Variants in PLCH1 observed in about 807,000 individuals in gnomAD.
PLCH1 encodes 1-phosphatidylinositol 4,5-bisphosphate phosphodiesterase eta-1.
A neutral mutation model predicts 126.7 loss-of-function variants in PLCH1; 60 were observed. That is an observed-to-expected ratio of 0.47 (90% CI 0.38 to 0.59). PLCH1 has a LOEUF of 0.59. Among genes scored for constraint, PLCH1 ranks in the 20% least tolerant of loss-of-function variants. The probability of loss-of-function intolerance (pLI) is 0.00; values close to 1 mark genes in which losing one functional copy is unlikely to be tolerated. For synonymous variants in PLCH1, 719 were observed against 734.9 expected (o/e 0.98, Z 0.35); for missense variants, 1,723 against 2,040.0 (o/e 0.84, Z 2.99).
rs1351745225 is a variant in PLCH1 at position 155,481,961 on chromosome 3, A to C, written c.4065T>G (p.Asp1355Glu). Reference sequence around the variant, plus strand: ...TTAGAGAAAGATTTTCTGATTCTCCATCAATTTCCACAAGGCTGCTCTCCC... The same window carrying C: ...TTAGAGAAAGATTTTCTGATTCTCCCTCAATTTCCACAAGGCTGCTCTCCC... ...NSGESSLVEI[D>E]GESENLSLTT... is the part of the protein sequence containing the mutation. The change falls in exon 23 of 23, where the codon GAT (aspartate) becomes GAG (glutamate). Residue 1355 changes from aspartate to glutamate, a missense_variant. Physicochemically the swap from Asp to Glu is conservative, Grantham distance 45. Coordinates refer to ENST00000460012, the MANE Select transcript of PLCH1 (RefSeq NM_014996.4). This position sits in a 1 kb window ranked among gnomAD's most constrained non-coding sequence, Gnocchi z 4.2. 1.2e-6 allele frequency: 2 copies of C among 1,614,066 alleles called. No homozygotes were observed. The highest frequency in any genetic ancestry group is 1.7e-6 in the Non-Finnish European group (2 of 1,180,032).
At chr3:155,692,759 G>A (rs1469644308) in intron 2 of PLCH1, among the ~76,000 whole-genome samples, 1 of 119,526 alleles carries the variant, frequency 8.4e-6, no homozygotes, top group Non-Finnish European at 1.6e-5. Context: ...CCAATCATTA[G>A]CAATTTTTTT....
intron 10 of PLCH1, among the ~76,000 whole-genome samples, chr3:155,527,862 GT>G (rs1722164292): frequency 6.7e-6 from 1 of 149,432 alleles, no homozygotes; most frequent in Non-Finnish European, 1.5e-5. Flanking sequence ...AGAAGTTGCA[GT>G]GAGCCAAGAT....
rs1726118546 is a variant in PLCH1, at chr3:155,551,459, A to G, written c.1191-1501T>C. Among the ~76,000 whole-genome samples the G allele has an allele frequency of 1.4e-5, 2 of 145,844 alleles. 1 individual carries two copies. The highest frequency in any genetic ancestry group is 5.0e-5 in the African/African-American group (2 of 39,876). ...GGCTGCCTCAGAAAAAAAAAAAAAA[A>G]AAAAAAAAAAAAAAAAAAAAAGCCT... is the stretch of plus-strand genomic sequence containing the variant. On this transcript the variant is annotated intron_variant, in intron 9 of 22. Coordinates refer to ENST00000460012, the MANE Select transcript of PLCH1 (RefSeq NM_014996.4).
Position 155,603,825 on chromosome 3 carries a change from T to C in PLCH1, c.80-7447A>G, listed in dbSNP as rs1734040721. Among the ~76,000 whole-genome samples the C allele has an allele frequency of 3.3e-5, 5 of 152,268 alleles. No homozygotes were observed. The South Asian group carries it at 1.0e-3, about 32-fold the overall frequency. Reference sequence around the variant, plus strand: ...TAAAACATAACTGCTTGGCTGTGTGTGGTGGCTGACACCTGTAATCCCAGC... The same window carrying C: ...TAAAACATAACTGCTTGGCTGTGTGCGGTGGCTGACACCTGTAATCCCAGC... On this transcript the variant is annotated intron_variant, in intron 2 of 22. Transcript: ENST00000460012.
At chr3:155,717,554 A>G (rs1359199240) in intron 1 of PLCH1, among the ~76,000 whole-genome samples, 1 of 152,238 alleles carries the variant, frequency 6.6e-6, no homozygotes, top group Non-Finnish European at 1.5e-5. Flanking sequence ...TTCCACATGG[A>G]AGCCACCAAA....
intron 12 of PLCH1, among the ~76,000 whole-genome samples, chr3:155,512,579 G>A (rs768139655): frequency 5.3e-5 from 8 of 152,140 alleles, no homozygotes; most frequent in Non-Finnish European, 8.8e-5. Context: ...TGGGGAAGAC[G>A]AAGTGTACTA....
intron 2 of PLCH1, among the ~76,000 whole-genome samples, chr3:155,617,754 A>G (rs1735969422): frequency 6.6e-6 from 1 of 152,240 alleles, no homozygotes; most frequent in South Asian, 2.1e-4. Context: ...TTAAGGAATC[A>G]GAGGTGATTT....
intron 2 of PLCH1, among the ~76,000 whole-genome samples, chr3:155,639,957 C>T (rs530578787): frequency 6.6e-6 from 1 of 152,284 alleles, no homozygotes; most frequent in Non-Finnish European, 1.5e-5. Context: ...GTAAGACATG[C>T]TTCCTTCTTC....
chr3:155,522,423 C>T (rs1030805970), intron 11 of PLCH1, among the ~76,000 whole-genome samples: 9 of 152,186 alleles, frequency 5.9e-5, no homozygotes, highest in Non-Finnish European at 1.2e-4. Context: ...CTAACATAAA[C>T]TATTAAAAGG....
At chr3:155,738,862 G>T (rs1749414625) in intron 1 of PLCH1, among the ~76,000 whole-genome samples, 2 of 151,928 alleles carry the variant, frequency 1.3e-5, no homozygotes, top group South Asian at 4.1e-4. Flanking sequence ...GAGGGGCAAG[G>T]ACCTCTTGAG....
At chr3:155,723,204 A>C (rs1022916207) in intron 1 of PLCH1, among the ~76,000 whole-genome samples, 1 of 151,986 alleles carries the variant, frequency 6.6e-6, no homozygotes, top group Non-Finnish European at 1.5e-5. Flanking sequence ...TATTTAGATC[A>C]TCTCTCTCCA....
intron 22 of PLCH1, among the ~76,000 whole-genome samples, chr3:155,484,923 C>T (rs1181419524): frequency 1.3e-5 from 2 of 152,110 alleles, no homozygotes; most frequent in African/African-American, 4.8e-5. Flanking sequence ...AAAGGTGGCT[C>T]GTTTTTAACA....
Position 155,481,075 on chromosome 3 carries a change from C to T in PLCH1, c.4951G>A (p.Ala1651Thr). Residue 1651 changes from alanine (A) to threonine (T), a missense_variant, in exon 23 of 23, where the codon GCT (alanine) becomes ACT (threonine). This residue lies in a region of PLCH1 where 947 missense variants were observed against 977.1 expected (regional missense o/e 0.97). Transcript: ENST00000460012. This position sits in a 1 kb window ranked among gnomAD's most constrained non-coding sequence, Gnocchi z 4.2. The part of the protein sequence containing the change: ...GRGIPEGACT[A>T]LHYGHVDQFC... ...TGGTCAACGTGGCCATAGTGAAGAG[C>T]CGTGCATGCCCCCTCTGGGATGCCC... 1 of 1,614,140 alleles carries T rather than the reference C, an allele frequency of 6.2e-7. No individual in the cohort carries two copies.
rs189571121 is a variant in PLCH1, at chr3:155,512,121, G to A, written c.1632+2602C>T. On this transcript the variant is annotated intron_variant, in intron 12 of 22. Transcript: ENST00000460012. ...GTGGGAGTGACCCGATTTTCCAGGTGCGTCCGTCACCCCTTTCTTTGACTC... is the reference window on the plus strand; with the variant it reads ...GTGGGAGTGACCCGATTTTCCAGGTACGTCCGTCACCCCTTTCTTTGACTC... Among the ~76,000 whole-genome samples, 884 of 150,838 alleles carry A rather than the reference G, an allele frequency of 5.9e-3. 6 individuals carry two copies. The highest frequency in any genetic ancestry group is 0.021 in the African/African-American group (841 of 40,964).
chr3:155,538,507 T>C (rs749654025), intron 10 of PLCH1, among the ~76,000 whole-genome samples: 1 of 151,874 alleles, frequency 6.6e-6, no homozygotes, highest in Non-Finnish European at 1.5e-5. Context: ...ATTTGCAAGA[T>C]TAACCAACAA....
chr3:155,707,921 C>A (rs1326914985), intron 1 of PLCH1, among the ~76,000 whole-genome samples: 2 of 152,052 alleles, frequency 1.3e-5, no homozygotes, highest in African/African-American at 4.8e-5. Context: ...GATCTTTTTG[C>A]TTTTCTTTAA....
chr3:155,581,333 A>G (rs1282211512), intron 6 of PLCH1, among the ~76,000 whole-genome samples: 1 of 152,190 alleles, frequency 6.6e-6, no homozygotes, highest in African/African-American at 2.4e-5. Flanking sequence ...TGTCCACACA[A>G]AAACCTGTAC....
At chr3:155,562,747 C>T (rs956441625) in intron 8 of PLCH1, among the ~76,000 whole-genome samples, 3 of 152,152 alleles carry the variant, frequency 2.0e-5, no homozygotes, top group Non-Finnish European at 4.4e-5. Flanking sequence ...GGATGATGTT[C>T]TCTCCTACTT....
At chr3:155,453,142 A>G (rs549496708) in intron 21 of PLCH1, among the ~76,000 whole-genome samples, 2 of 152,302 alleles carry the variant, frequency 1.3e-5, no homozygotes, top group South Asian at 4.1e-4. Flanking sequence ...TTTGCCAACA[A>G]GGCATAATCT....
Sources: allele counts gnomAD v4.1 joint callset (sites outside exome capture counted in the v4.1 genomes callset), GRCh38; gene constraint gnomAD v4.1.1; regional missense constraint gnomAD v4.1.1; non-coding constraint Gnocchi (gnomAD v3.1); transcripts MANE v1.5; gene names NCBI Gene and HGNC (gene_info 2026-07-23, HGNC 2026-07-21).